HOXC4: variants seen among roughly 807,000 people sequenced by gnomAD.
The protein encoded by HOXC4 is homeobox protein Hox-C4.
In HOXC4, 15 loss-of-function variants were observed where a neutral mutation model predicts 25.5. That is an observed-to-expected ratio of 0.59 (90% confidence interval 0.39 to 0.91). The LOEUF (loss-of-function observed/expected upper bound fraction) is 0.91, where lower values mean the gene tolerates loss of function less well. Among genes scored for constraint, HOXC4 ranks in the 40% least tolerant of loss-of-function variants. The pLI, the probability that HOXC4 is intolerant of heterozygous loss-of-function variation, is 0.00. For missense variants in HOXC4, 342 were observed against 352.4 expected, an observed-to-expected ratio of 0.97 and a Z score of 0.24; for synonymous variants, 165 against 148.0, an observed-to-expected ratio of 1.11 and a Z score of -0.83.
chr12:54,041,643 GC>G (rs1189714180), intron 1 of HOXC4, among the ~76,000 whole-genome samples: 2 of 152,202 alleles, frequency 1.3e-5, no homozygotes, highest in African/African-American at 4.8e-5. Flanking sequence ...AAATCATTGA[GC>G]CCTCACTTTT....
chr12:54,026,607 T>G (rs528018600), intron 1 of HOXC4, among the ~76,000 whole-genome samples: 1 of 152,192 alleles, frequency 6.6e-6, no homozygotes, highest in African/African-American at 2.4e-5. Context: ...TTTCTGTCCT[T>G]TCTGGAGGAT....
chr12:54,050,071 A>G (rs1937810181), upstream of HOXC4, among the ~76,000 whole-genome samples: 1 of 152,130 alleles, frequency 6.6e-6, no homozygotes, highest in Non-Finnish European at 1.5e-5. Context: ...TGGTTCACCC[A>G]TTTATTTTTC....
At chr12:54,046,194 G>T (rs1937700224) in intron 1 of HOXC4, among the ~76,000 whole-genome samples, 1 of 152,156 alleles carries the variant, frequency 6.6e-6, no homozygotes, top group Non-Finnish European at 1.5e-5. Flanking sequence ...CAATTAAGCG[G>T]CCGCCTTGCG....
At chr12:54,031,053 G>A (rs1053270779) in intron 1 of HOXC4, among the ~76,000 whole-genome samples, 21 of 152,252 alleles carry the variant, frequency 1.4e-4, no homozygotes, top group Non-Finnish European at 2.1e-4. Context: ...CACCCTGCGG[G>A]AAAAAGCCGC....
In HOXC4 at chr12:54,044,467, C is replaced by T. The variant is rs148548596; in HGVS notation, c.-123-8693C>T. Among the ~76,000 whole-genome samples the T allele has an allele frequency of 5.3e-5, 8 of 152,306 alleles. 2 individuals are homozygous for T. The highest frequency in any genetic ancestry group is 1.9e-4 in the African/African-American group (8 of 41,566). ...ACATTGACAGTAAATAGCCTCAGAG[C>T]CTGGCTGTAGATATCAGGACTCTTC... On this transcript the variant is annotated intron_variant, in intron 1 of 3. Coordinates refer to the HOXC4 transcript ENST00000303406.
At chr12:54,033,734 C>T (rs753103235) in intron 1 of HOXC4, among the ~76,000 whole-genome samples, 2 of 152,180 alleles carry the variant, frequency 1.3e-5, no homozygotes, top group Non-Finnish European at 2.9e-5. Context: ...GCTGTGTGCG[C>T]CCAAATTTAC....
intron 1 of HOXC4, chr12:54,021,436 G>A (rs1400756467): frequency 1.3e-5 from 2 of 152,314 alleles, no homozygotes; most frequent in Non-Finnish European, 2.9e-5. Flanking sequence ...CCAAGGCTGA[G>A]AATTGATGGG....
At chr12:54,034,511 G>T in intron 1 of HOXC4, 3 of 1,598,544 alleles carry the variant, frequency 1.9e-6, no homozygotes, top group South Asian at 1.1e-5. Context: ...GGGGAGGCCC[G>T]CAGAGCGCGC....
intron 1 of HOXC4, chr12:54,034,320 A>G (rs1390033525): frequency 6.2e-7 from 1 of 1,614,182 alleles, no homozygotes. Context: ...ACGCGCTACC[A>G]GACTCTGGAA....
intron 1 of HOXC4, chr12:54,035,455 A>G (rs1318801679): frequency 6.6e-6 from 1 of 152,294 alleles, no homozygotes; most frequent in East Asian, 1.9e-4. Flanking sequence ...ACTTTAAGCC[A>G]CCCCTTTAAA....
chr12:54,039,092 A>G lies in HOXC4; in HGVS notation c.-123-14068A>G, dbSNP rs78411963. On this transcript the variant is annotated intron_variant, in intron 1 of 3. Coordinates refer to the HOXC4 transcript ENST00000303406. ...AGGCTCCTGTACTGGCCAGCCATGA[A>G]TAGCCAGGGCTTTGGAAGCAGGGCT... is the stretch of plus-strand genomic sequence containing the variant. Among the ~76,000 whole-genome samples the G allele has an allele frequency of 0.016, 2,430 of 152,220 alleles. 167 individuals carry two copies. In the East Asian group the frequency reaches 0.2, roughly 12 times the overall value.
At chr12:54,054,736 C>T (rs1355786496) in intron 1 of HOXC4, 114 bp from the exon 2 acceptor site, 3 of 706,184 alleles carry the variant, frequency 4.2e-6, no homozygotes, top group Non-Finnish European at 7.2e-6. Context: ...AGCTTGATGA[C>T]TTTATTTCCA....
chr12:54,052,872 C>T (rs749427965), upstream of HOXC4, among the ~76,000 whole-genome samples: 2 of 152,218 alleles, frequency 1.3e-5, no homozygotes, highest in Non-Finnish European at 2.9e-5. Flanking sequence ...ACAGGCCTCC[C>T]TCTTAGCTAG....
chr12:54,045,552 T>C (rs1937682015), intron 1 of HOXC4, among the ~76,000 whole-genome samples: 1 of 152,250 alleles, frequency 6.6e-6, no homozygotes, highest in African/African-American at 2.4e-5. Context: ...GCTACATATT[T>C]AGAGATCTTT....
intron 1 of HOXC4, chr12:54,034,405 C>T (rs1433235063): frequency 6.2e-7 from 1 of 1,614,120 alleles, no homozygotes; most frequent in East Asian, 2.2e-5. Context: ...ACTTGTGTCT[C>T]AATGAGAGAC....
intron 1 of HOXC4, among the ~76,000 whole-genome samples, chr12:54,027,873 C>T (rs1203192318): frequency 6.6e-6 from 1 of 152,114 alleles, no homozygotes; most frequent in Non-Finnish European, 1.5e-5. Context: ...CTCAGGGGAA[C>T]AGGTTTTATG....
At position 54,034,180 on chromosome 12, in the gene HOXC4, C is replaced by T. The variant is rs1001439680; in HGVS notation, c.-124+16766C>T. ...CTGTCTTGCGGCTCTCGCCTCCTCT[C>T]CCTCCGGCCGCGGGTGGGGGCCTGG... On this transcript the variant is annotated intron_variant, in intron 1 of 3. Transcript: ENST00000303406. 5.0e-6 allele frequency: 6 copies of T among 1,191,804 alleles called. No homozygotes were observed. The African/African-American group carries it at 6.0e-5, about 12-fold the overall frequency. The allele number at this position is 1,191,804 out of a possible 1,614,324, so 73.8% of individuals were successfully genotyped here.
intron 1 of HOXC4, among the ~76,000 whole-genome samples, chr12:54,018,248 C>T (rs111916365): frequency 0.023 from 3,494 of 152,352 alleles, 68 homozygotes; most frequent in Non-Finnish European, 0.037. Context: ...GTCCGGCGCC[C>T]CTCACCCCCA....
chr12:54,028,618 C>T (rs1940839051), intron 1 of HOXC4: 1 of 1,614,128 alleles, frequency 6.2e-7, no homozygotes, highest in Non-Finnish European at 8.5e-7. Flanking sequence ...CGCCTATGAT[C>T]CAGTGAGGCA....
Sources: gnomAD v4.1 joint callset for allele counts (sites outside exome capture counted in the v4.1 genomes callset) on GRCh38, gnomAD v4.1.1 for gene constraint, MANE v1.5 for transcripts, NCBI Gene and HGNC (gene_info 2026-07-23, HGNC 2026-07-21) for gene names.